Variants in SVIL observed in about 807,000 individuals in gnomAD.
The protein encoded by SVIL is archvillin.
A neutral mutation model predicts 240.4 loss-of-function variants in SVIL; 101 were observed. The observed-to-expected ratio is 0.42, with a 90% CI of 0.36 to 0.50. The LOEUF (loss-of-function observed/expected upper bound fraction) is 0.50. Ranked by LOEUF, SVIL falls within the 20% of genes least tolerant of loss-of-function variation. The pLI is 0.01. For missense variants in SVIL, 2,512 were observed against 2,818.7 expected (o/e 0.89, Z 2.46); for synonymous variants, 999 against 1,100.0 (o/e 0.91, Z 1.82).
intron 2 of SVIL, among the ~76,000 whole-genome samples, chr10:29,675,100 G>A (rs1348231831): frequency 2.6e-5 from 4 of 152,170 alleles, no homozygotes. Context: ...GGAGGAGAGA[G>A]GGGGCATGAT....
intron 16 of SVIL, among the ~76,000 whole-genome samples, chr10:29,513,173 G>A (rs117201212): frequency 3.3e-5 from 5 of 152,188 alleles, no homozygotes; most frequent in South Asian, 4.1e-4. Context: ...CAAGAGAACC[G>A]TCCCCAGAGA....
chr10:29,606,452 T>G (rs1454227186), intron 1 of SVIL, among the ~76,000 whole-genome samples: 1 of 152,224 alleles, frequency 6.6e-6, no homozygotes, highest in Non-Finnish European at 1.5e-5. Flanking sequence ...GGTTTTGTTA[T>G]ACTTCTTTCT....
intron 6 of SVIL, among the ~76,000 whole-genome samples, chr10:29,549,928 C>T (rs1284291125): frequency 7.8e-5 from 10 of 128,942 alleles, no homozygotes; most frequent in African/African-American, 2.4e-4. Context: ...TGCTAGATGA[C>T]GAGTTAGTGG....
At chr10:29,539,624 G>A (rs1229998717) in intron 6 of SVIL, among the ~76,000 whole-genome samples, 1 of 151,808 alleles carries the variant, frequency 6.6e-6, no homozygotes, top group African/African-American at 2.4e-5. Context: ...ACAGAATGCA[G>A]CCACTTCTGA....
chr10:29,605,630 T>C (rs12781926), intron 1 of SVIL, among the ~76,000 whole-genome samples: 42,606 of 149,876 alleles, frequency 0.28, 6,445 homozygotes, highest in Admixed American at 0.32. Context: ...GTGATGTGAG[T>C]GGCAAATAGT....
rs776064275 is a variant in SVIL, at chr10:29,533,291, G to C, written c.1076C>G (p.Ser359Cys). 6.2e-6 allele frequency: 10 copies of C among 1,614,018 alleles called. No individual in the cohort carries two copies. The highest frequency in any genetic ancestry group is 5.9e-6 in the Non-Finnish European group (7 of 1,180,042). Residue 359 changes from serine (S) to cysteine (C), a missense_variant, in exon 8 of 38, where the codon TCT (serine) becomes TGT (cysteine). Ser to Cys is a moderately radical substitution (Grantham distance 112, BLOSUM62 -1). Coordinates refer to ENST00000355867, the MANE Select transcript of SVIL (RefSeq NM_021738.3). ...FDRVPSKAAGSTRQPIRGYVQ... is the reference protein window; with the variant it reads ...FDRVPSKAAGCTRQPIRGYVQ... Reference sequence around the variant, plus strand: ...ATAGCCACGGATTGGCTGTCGTGTAGAGCCTGCTGCCTTGCTGGGGACCCT... The same window carrying C: ...ATAGCCACGGATTGGCTGTCGTGTACAGCCTGCTGCCTTGCTGGGGACCCT...
Position 29,458,601 on chromosome 10 carries a change from G to T in SVIL, c.6403-12C>A. Reference sequence around the variant, plus strand: ...GAAACTTCCGTGTCCTAGAGAAGAGGAGGGGGCAGAGAGGAGAGCTCGTGT... The same window carrying T: ...GAAACTTCCGTGTCCTAGAGAAGAGTAGGGGGCAGAGAGGAGAGCTCGTGT... On this transcript the variant is annotated splice_polypyrimidine_tract_variant and intron_variant, in intron 36 of 37. Transcript: ENST00000355867. 1 of 1,611,256 alleles carries T rather than the reference G, an allele frequency of 6.2e-7. No homozygotes were observed. The highest frequency in any genetic ancestry group is 2.2e-5 in the East Asian group (1 of 44,848).
At chr10:29,712,387 G>C (rs1390022962) in intron 1 of SVIL, among the ~76,000 whole-genome samples, 2 of 152,158 alleles carry the variant, frequency 1.3e-5, no homozygotes, top group African/African-American at 4.8e-5. Flanking sequence ...TTGTTAGAAA[G>C]AGCCTGCGAC....
At chr10:29,603,570 T>C (rs1465974105) in intron 1 of SVIL, among the ~76,000 whole-genome samples, 1 of 152,150 alleles carries the variant, frequency 6.6e-6, no homozygotes, top group Non-Finnish European at 1.5e-5. Flanking sequence ...TCTTCACCTG[T>C]AGGTTGAAAG....
intron 1 of SVIL, among the ~76,000 whole-genome samples, chr10:29,620,968 A>ATTT (rs1189729558): frequency 7.1e-6 from 1 of 140,666 alleles, no homozygotes; most frequent in Non-Finnish European, 1.5e-5. Context: ...TATTCTTAAA[A>ATTT]TTTTTTTTTT....
In SVIL at chr10:29,511,979, T is replaced by A. The variant is rs1949873173; in HGVS notation, c.3516+756A>T. 2.0e-5 allele frequency among the ~76,000 whole-genome samples: 3 copies of A among 152,226 alleles called. No individual in the cohort carries two copies. The South Asian group carries it at 6.2e-4, about 31-fold the overall frequency. On this transcript the variant is annotated intron_variant, in intron 17 of 37. Transcript: ENST00000355867. ...TCTTTTTCTTTTCTACTTGAAGACTTCTGATCCTAGAAAGTGACCAGGGAG... is the reference window on the plus strand; with the variant it reads ...TCTTTTTCTTTTCTACTTGAAGACTACTGATCCTAGAAAGTGACCAGGGAG...
chr10:29,470,593 GC>G, intron 31 of SVIL, 110 bp from the exon 32 acceptor site: 1 of 1,277,334 alleles, frequency 7.8e-7, no homozygotes, highest in Non-Finnish European at 1.1e-6. Context: ...TCCGTCCAGG[GC>G]CAGGGACTTA....
Position 29,532,511 on chromosome 10 carries a change from G to A in SVIL, c.1838+18C>T, listed in dbSNP as rs540580510. 4.6e-5 allele frequency: 73 copies of A among 1,591,832 alleles called. No homozygotes were observed. The highest frequency in any genetic ancestry group is 3.3e-4 in the South Asian group (29 of 88,954). ...CGTGCAAGTGACACAGCTGGAGGGC[G>A]TGTGAAGCATCACCTACAGTTCAGG... On this transcript the variant is annotated intron_variant, in intron 8 of 37. Transcript: ENST00000355867.
intron 17 of SVIL, among the ~76,000 whole-genome samples, chr10:29,511,194 T>G (rs948120205): frequency 7.3e-6 from 1 of 136,110 alleles, no homozygotes; most frequent in Non-Finnish European, 1.6e-5. Flanking sequence ...TCTAAAAACC[T>G]TAGCCAGCGT....
At chr10:29,691,385 G>C (rs191499034) in intron 1 of SVIL, among the ~76,000 whole-genome samples, 2,305 of 151,980 alleles carry the variant, frequency 0.015, 42 homozygotes, top group East Asian at 0.095. Context: ...CTAATTTTTT[G>C]TATTTTTAGT....
intron 2 of SVIL, among the ~76,000 whole-genome samples, chr10:29,684,567 T>G (rs1325845188): frequency 6.6e-6 from 1 of 152,108 alleles, no homozygotes; most frequent in African/African-American, 2.4e-5. Context: ...TTTGGGTTAA[T>G]ATGGGGGTTG....
At chr10:29,615,132 G>T (rs986939923) in intron 1 of SVIL, among the ~76,000 whole-genome samples, 2 of 152,114 alleles carry the variant, frequency 1.3e-5, no homozygotes, top group African/African-American at 4.8e-5. Context: ...CTTGAGGTTA[G>T]CAAAGCTTTT....
rs17566613 is a variant in SVIL at position 29,625,521 on chromosome 10, C to T, written c.-201+8899G>A. ...CTCTGTTGCCCAGGCTGGAGTGCAG[C>T]GGCGCGATCTCTGCTCACTGCAAGC... On this transcript the variant is annotated intron_variant, in intron 1 of 37. Coordinates refer to ENST00000355867, the MANE Select transcript of SVIL (RefSeq NM_021738.3). Among the ~76,000 whole-genome samples the T allele has an allele frequency of 1.8e-3, 267 of 151,974 alleles. 1 individual carries two copies. The highest frequency in any genetic ancestry group is 0.015 in the South Asian group (71 of 4,814).
At chr10:29,659,463 C>T (rs1158624871) in intron 2 of SVIL, among the ~76,000 whole-genome samples, 2 of 152,184 alleles carry the variant, frequency 1.3e-5, no homozygotes, top group African/African-American at 2.4e-5. Context: ...TGGCACCACA[C>T]CAGGCATTGC....
Sources: allele counts gnomAD v4.1 joint callset (sites outside exome capture counted in the v4.1 genomes callset), GRCh38; gene constraint gnomAD v4.1.1; transcripts MANE v1.5; gene names NCBI Gene and HGNC (gene_info 2026-07-23, HGNC 2026-07-21).